The following MAN1A1 variants were observed in gnomAD, a reference collection of about 807,000 sequenced individuals.
The protein encoded by MAN1A1 is mannosyl-oligosaccharide 1,2-alpha-mannosidase IA.
In MAN1A1, 29 loss-of-function variants were observed where a neutral mutation model predicts 70.8. The observed-to-expected ratio is 0.41, with a 90% CI of 0.31 to 0.56. MAN1A1 has a LOEUF of 0.56. MAN1A1 is among the 20% of genes least tolerant of loss of function. The pLI, the probability that MAN1A1 is intolerant of heterozygous loss-of-function variation, is 0.29. For synonymous variants in MAN1A1, 349 were observed against 330.1 expected (o/e 1.06, Z -0.62); for missense variants, 747 against 841.3 (o/e 0.89, Z 1.39).
At chr6:119,240,854 G>A (rs558753191) in intron 6 of MAN1A1, among the ~76,000 whole-genome samples, 4 of 152,210 alleles carry the variant, frequency 2.6e-5, no homozygotes, top group Admixed American at 6.5e-5. Context: ...TGGCAGAGCT[G>A]TAGTGATCCA....
intron 11 of MAN1A1, among the ~76,000 whole-genome samples, chr6:119,187,613 G>A (rs1232222409): frequency 6.6e-6 from 1 of 152,212 alleles, no homozygotes; most frequent in Non-Finnish European, 1.5e-5. Flanking sequence ...CTCATGGACA[G>A]TTTTTAAAGA....
intron 6 of MAN1A1, 121 bp from the exon 7 acceptor site, chr6:119,205,003 A>G: frequency 1.0e-6 from 1 of 966,170 alleles, no homozygotes; most frequent in Non-Finnish European, 1.5e-6. Context: ...AGTCCACTCT[A>G]GATATTATAA....
At chr6:119,186,725 A>C (rs1398442375) in intron 11 of MAN1A1, among the ~76,000 whole-genome samples, 1 of 152,124 alleles carries the variant, frequency 6.6e-6, no homozygotes, top group Admixed American at 6.5e-5. Flanking sequence ...TGGAGGTGGG[A>C]GCTGCAAGCA....
At chr6:119,327,189 T>C (rs1396079273) in intron 2 of MAN1A1, 1 of 152,114 alleles carries the variant, frequency 6.6e-6, no homozygotes, top group East Asian at 1.9e-4. Context: ...ATTCTTCAGC[T>C]GGGGGCAGAA....
At chr6:119,189,434 C>T (rs1773379158) in intron 10 of MAN1A1, among the ~76,000 whole-genome samples, 1 of 152,152 alleles carries the variant, frequency 6.6e-6, no homozygotes, top group African/African-American at 2.4e-5. Flanking sequence ...ATTAGGCTGG[C>T]TTTAACTCTT....
At chr6:119,183,500 G>T (rs1773208060) in intron 11 of MAN1A1, among the ~76,000 whole-genome samples, 1 of 152,062 alleles carries the variant, frequency 6.6e-6, no homozygotes, top group African/African-American at 2.4e-5. Flanking sequence ...TAGAAAAAAT[G>T]GGCAAGGTTT....
At chr6:119,278,747 T>C (rs955637359) in intron 5 of MAN1A1, among the ~76,000 whole-genome samples, 4 of 152,082 alleles carry the variant, frequency 2.6e-5, no homozygotes, top group African/African-American at 7.2e-5. Context: ...GGCGTTCCCT[T>C]GGTGATGAAT....
chr6:119,200,996 C>G (rs918508035), intron 8 of MAN1A1, among the ~76,000 whole-genome samples: 5 of 152,322 alleles, frequency 3.3e-5, no homozygotes, highest in African/African-American at 1.2e-4. Flanking sequence ...CCACACTACT[C>G]TGGCCAGATC....
At chr6:119,201,550 C>A (rs535460501) in intron 7 of MAN1A1, among the ~76,000 whole-genome samples, 1 of 152,278 alleles carries the variant, frequency 6.6e-6, no homozygotes, top group East Asian at 1.9e-4. Flanking sequence ...AGATGCCATA[C>A]TAGGAACAAG....
intron 2 of MAN1A1, among the ~76,000 whole-genome samples, chr6:119,343,602 G>A (rs1454731329): frequency 6.6e-6 from 1 of 152,124 alleles, no homozygotes. Context: ...ACCAAGCAAG[G>A]AACTAGGCTA....
At chr6:119,265,055 A>T (rs1775714504) in intron 5 of MAN1A1, among the ~76,000 whole-genome samples, 6 of 151,868 alleles carry the variant, frequency 4.0e-5, no homozygotes, top group Admixed American at 3.9e-4. Context: ...CATTTTGTAC[A>T]ACTTTCCTGA....
At chr6:119,189,945 T>C in intron 9 of MAN1A1, 62 bp from the exon 10 acceptor site, 3 of 1,257,710 alleles carry the variant, frequency 2.4e-6, no homozygotes, top group Admixed American at 2.1e-5. Flanking sequence ...ACTAAAAATA[T>C]GCCCAACATT....
At chr6:119,298,792 T>G (rs1166334773) in intron 4 of MAN1A1, among the ~76,000 whole-genome samples, 1 of 151,916 alleles carries the variant, frequency 6.6e-6, no homozygotes, top group Non-Finnish European at 1.5e-5. Flanking sequence ...GAGACGGGGT[T>G]TCGCCATGTT....
intron 8 of MAN1A1, among the ~76,000 whole-genome samples, chr6:119,199,795 C>T (rs1484782577): frequency 6.6e-6 from 1 of 151,852 alleles, no homozygotes; most frequent in African/African-American, 2.4e-5. Context: ...ACCTGTAGTC[C>T]CAGCTACTCG....
At position 119,286,018 on chromosome 6, in the gene MAN1A1, G is replaced by A. The variant is rs187088678; in HGVS notation, c.897+4665C>T. ...AGCCCAGATGATTTACAAACTGGCA[G>A]AATACACTGCTATGTGCTAACCTTA... On this transcript the variant is annotated intron_variant, in intron 5 of 12. Transcript: ENST00000368468. 1.8e-3 allele frequency among the ~76,000 whole-genome samples: 276 copies of A among 152,288 alleles called. 3 individuals carry two copies. The highest frequency in any genetic ancestry group is 6.3e-3 in the African/African-American group (261 of 41,568).
intron 11 of MAN1A1, among the ~76,000 whole-genome samples, chr6:119,182,130 T>C (rs1429969094): frequency 6.6e-6 from 1 of 152,214 alleles, no homozygotes; most frequent in Admixed American, 6.5e-5. Flanking sequence ...CCTGATGATT[T>C]GTGATGTTGA....
At chr6:119,338,899 C>T (rs1383851120) in intron 2 of MAN1A1, among the ~76,000 whole-genome samples, 1 of 152,164 alleles carries the variant, frequency 6.6e-6, no homozygotes, top group Non-Finnish European at 1.5e-5. Context: ...CTAACTCTCG[C>T]CTTCAGGACT....
At chr6:119,289,542 G>C (rs1024903025) in intron 5 of MAN1A1, among the ~76,000 whole-genome samples, 1 of 150,644 alleles carries the variant, frequency 6.6e-6, no homozygotes, top group Non-Finnish European at 1.5e-5. Flanking sequence ...AAAAAAGGGA[G>C]GAAGAGGCAT....
At chr6:119,313,935 TAA>T (rs371581760) in intron 2 of MAN1A1, among the ~76,000 whole-genome samples, 5,344 of 133,770 alleles carry the variant, frequency 0.04, 277 homozygotes, top group African/African-American at 0.13. Context: ...TAAAGCTATT[TAA>T]AAAAAAAAAA....
Sources: allele counts gnomAD v4.1 joint callset (sites outside exome capture counted in the v4.1 genomes callset), GRCh38; gene constraint gnomAD v4.1.1; transcripts MANE v1.5; gene names NCBI Gene and HGNC (gene_info 2026-07-23, HGNC 2026-07-21).